Variants in AGBL1 observed in about 807,000 individuals in gnomAD.
AGBL1 encodes the protein AGBL carboxypeptidase 1.
AGBL1 carries 130 observed loss-of-function variants against 118.9 expected under a neutral mutation model. The ratio of observed to expected loss-of-function variants is 1.09; its 90% CI spans 0.95 to 1.26. The LOEUF (loss-of-function observed/expected upper bound fraction) is 1.26, where lower values mean the gene tolerates loss of function less well. Among genes scored for constraint, AGBL1 ranks in the 50% most tolerant of loss-of-function variants. AGBL1 has a pLI of 0.00. For missense variants in AGBL1, 1,584 were observed against 1,298.1 expected (o/e 1.22, Z -3.38); for synonymous variants, 555 against 478.9 (o/e 1.16, Z -2.08).
chr15:86,944,838 A>T (rs573672275), intron 23 of AGBL1, among the ~76,000 whole-genome samples: 3 of 152,310 alleles, frequency 2.0e-5, no homozygotes, highest in Admixed American at 6.5e-5. Context: ...TTTAAGATAG[A>T]GTGACAATAC....
rs376148169 is a variant in AGBL1 at position 86,556,187 on chromosome 15, A to G, written c.2994+1650A>G. Reference sequence around the variant, plus strand: ...GAGCTGTTTGAAAATGAAATGACTCATAGGTTCAGGCCCTCACCAACTCTC... The same window carrying G: ...GAGCTGTTTGAAAATGAAATGACTCGTAGGTTCAGGCCCTCACCAACTCTC... On this transcript the variant is annotated intron_variant, in intron 21 of 22. Transcript: ENST00000614907. 6 of 1,562,790 alleles carry G rather than the reference A, an allele frequency of 3.8e-6. No individual in the cohort carries two copies. The East Asian group carries it at 6.7e-5, about 18-fold the overall frequency.
chr15:86,774,329 T>C (rs1241463299), intron 22 of AGBL1, among the ~76,000 whole-genome samples: 1 of 152,148 alleles, frequency 6.6e-6, no homozygotes, highest in Non-Finnish European at 1.5e-5. Flanking sequence ...TAGTGGATGA[T>C]TTCAAATAAG....
In AGBL1 at chr15:86,911,845, CT is replaced by C. The variant is rs1428779483; in HGVS notation, c.*4552del. On this transcript the variant is annotated 3_prime_UTR_variant, in exon 23 of 23. Coordinates refer to ENST00000614907, the MANE Select transcript of AGBL1 (RefSeq NM_001386094.1). ...TATATATAATCTCTCTTCCATGCCC[CT>C]GTTGCACTGTTTATATATCTCTTTT... 4 of 152,118 alleles carry C rather than the reference CT, an allele frequency of 2.6e-5. No homozygotes were observed. Among genetic ancestry groups the C allele is most frequent in the African/African-American group, 9.7e-5 (4 of 41,414 alleles). 9.4% of individuals were successfully genotyped at this position (152,118 alleles called of 1,614,324 possible).
At chr15:86,836,837 G>C (rs1337900316) in intron 22 of AGBL1, among the ~76,000 whole-genome samples, 2 of 152,182 alleles carry the variant, frequency 1.3e-5, no homozygotes, top group Non-Finnish European at 2.9e-5. Context: ...CAACTTCCCA[G>C]ATAGTAGTAG....
At chr15:86,650,772 C>T (rs1297593545) in intron 21 of AGBL1, among the ~76,000 whole-genome samples, 1 of 152,206 alleles carries the variant, frequency 6.6e-6, no homozygotes, top group Non-Finnish European at 1.5e-5. Context: ...TGTCTAGAGG[C>T]TTCTTTCCCG....
chr15:86,331,542 G>C (rs938153072), intron 17 of AGBL1, among the ~76,000 whole-genome samples: 2 of 152,064 alleles, frequency 1.3e-5, no homozygotes, highest in African/African-American at 4.8e-5. Flanking sequence ...AACCTTAAAG[G>C]CAGCTAGGGA....
Position 86,546,002 on chromosome 15 carries a change from G to C in AGBL1, c.2686G>C (p.Val896Leu). The C allele has an allele frequency of 6.2e-7, 1 of 1,612,464 alleles. No homozygotes were observed. The highest frequency in any genetic ancestry group is 8.5e-7 in the Non-Finnish European group (1 of 1,178,972). The change falls in exon 20 of 23, where the codon GTT becomes CTT. Residue 896 changes from valine to leucine, a missense_variant and splice_region_variant. Transcript: ENST00000614907. ...HLSSIGRSPV[V>L]FCDFHGHSQK... ...TTTCTCCTTTGTTGGGCTATTGTAG[G>C]TTTTCTGTGACTTCCATGGCCACTC...
Position 86,264,280 on chromosome 15 carries a change from A to G in AGBL1, c.1109A>G (p.Asp370Gly), listed in dbSNP as rs1346568842. The stretch of plus-strand genomic sequence containing the variant: ...AAGGAACTGCAGTCCAAACTTGGAG[A>G]TGATTTGAACTCTGAAAAGACTCAG... Reference protein sequence around the residue: ...SFEELQSKLGDDLNSEKTQYA... With the variant: ...SFEELQSKLGGDLNSEKTQYA... The change falls in exon 11 of 23, where the codon GAT (aspartate) becomes GGT (glycine). Residue 370 changes from aspartate to glycine, a missense_variant. Transcript: ENST00000614907. 1 of 1,602,114 alleles carries G rather than the reference A, an allele frequency of 6.2e-7. No homozygotes were observed. Among genetic ancestry groups the G allele is most frequent in the South Asian group, 1.1e-5 (1 of 88,660 alleles).
chr15:87,028,935 T>C (rs569369166), exon 25 of AGBL1: 18 of 1,373,362 alleles, frequency 1.3e-5, no homozygotes, highest in Admixed American at 1.8e-5. Flanking sequence ...TTCAAGATGT[T>C]GTACATGTCT....
chr15:86,731,537 G>A (rs1308277152), intron 22 of AGBL1, among the ~76,000 whole-genome samples: 1 of 152,182 alleles, frequency 6.6e-6, no homozygotes, highest in Non-Finnish European at 1.5e-5. Flanking sequence ...CTCCAGCTTT[G>A]TTCTTCTGGG....
At chr15:86,652,305 C>T (rs2085387121) in intron 21 of AGBL1, among the ~76,000 whole-genome samples, 1 of 152,118 alleles carries the variant, frequency 6.6e-6, no homozygotes, top group African/African-American at 2.4e-5. Flanking sequence ...GGGATAAAAT[C>T]AATTTCCATT....
At chr15:86,635,951 A>G (rs2085074884) in intron 21 of AGBL1, among the ~76,000 whole-genome samples, 2 of 152,166 alleles carry the variant, frequency 1.3e-5, no homozygotes, top group South Asian at 4.1e-4. Flanking sequence ...GAGAGTTATT[A>G]GAAGCTCTAA....
At chr15:87,016,800 A>G (rs2081611554) in intron 24 of AGBL1, among the ~76,000 whole-genome samples, 1 of 152,094 alleles carries the variant, frequency 6.6e-6, no homozygotes, top group Non-Finnish European at 1.5e-5. Context: ...CACCTGGGAA[A>G]TCATGCTTCT....
chr15:86,203,111 AATG>A (rs570110878), intron 5 of AGBL1, among the ~76,000 whole-genome samples: 3 of 151,638 alleles, frequency 2.0e-5, no homozygotes, highest in East Asian at 1.9e-4. Flanking sequence ...TGATAGTGAT[AATG>A]ATGATGATGA....
intron 22 of AGBL1, among the ~76,000 whole-genome samples, chr15:86,810,147 A>G (rs954775986): frequency 6.6e-6 from 1 of 152,196 alleles, no homozygotes; most frequent in Non-Finnish European, 1.5e-5. Context: ...AATAAAAACC[A>G]CATCAGTCTT....
At chr15:86,145,430 G>C (rs755513286) in intron 3 of AGBL1, among the ~76,000 whole-genome samples, 1 of 152,208 alleles carries the variant, frequency 6.6e-6, no homozygotes, top group Non-Finnish European at 1.5e-5. Flanking sequence ...GACTCATGCA[G>C]ACATTGCAAA....
In AGBL1 at chr15:86,486,219, A is replaced by G. The variant is rs141914416; in HGVS notation, c.2556-36591A>G. On this transcript the variant is annotated intron_variant, in intron 18 of 22. Coordinates refer to ENST00000614907, the MANE Select transcript of AGBL1 (RefSeq NM_001386094.1). ...CATGACAAATTCTCTATAAGGCTTC[A>G]TGATTCCTGATCCATGCTGTGAATA... 4.1e-4 allele frequency among the ~76,000 whole-genome samples: 62 copies of G among 152,206 alleles called. 1 individual carries two copies. The highest frequency in any genetic ancestry group is 1.5e-3 in the African/African-American group (61 of 41,568).
chr15:86,107,973 A>G (rs554238605), intron 1 of AGBL1, among the ~76,000 whole-genome samples: 1 of 152,302 alleles, frequency 6.6e-6, no homozygotes, highest in Admixed American at 6.5e-5. Flanking sequence ...ACAACAACCA[A>G]TTCATGCATA....
intron 1 of AGBL1, among the ~76,000 whole-genome samples, chr15:86,133,283 T>C (rs551277732): frequency 6.6e-6 from 1 of 152,344 alleles, no homozygotes; most frequent in East Asian, 1.9e-4. Flanking sequence ...CATACTAGCC[T>C]CTTTTGCCCT....
Sources: gnomAD v4.1 joint callset for allele counts (sites outside exome capture counted in the v4.1 genomes callset) on GRCh38, gnomAD v4.1.1 for gene constraint, MANE v1.5 for transcripts, NCBI Gene and HGNC (gene_info 2026-07-23, HGNC 2026-07-21) for gene names.